ARHGAP24: variants seen among roughly 807,000 people sequenced by gnomAD.
The protein encoded by ARHGAP24 is rho GTPase-activating protein 24.
In ARHGAP24, 50 loss-of-function variants were observed where a neutral mutation model predicts 76.4. That is an observed-to-expected ratio of 0.65 (90% CI 0.52 to 0.83). ARHGAP24 has a LOEUF of 0.83. ARHGAP24 is among the 40% of genes least tolerant of loss of function. The pLI, the probability that ARHGAP24 is intolerant of heterozygous loss-of-function variation, is 0.00. For synonymous variants in ARHGAP24, 345 were observed against 323.3 expected, an observed-to-expected ratio of 1.07 and a Z score of -0.72; for missense variants, 930 against 914.2, an observed-to-expected ratio of 1.02 and a Z score of -0.22.
chr4:85,622,019 A>G (rs1406550278), intron 2 of ARHGAP24, among the ~76,000 whole-genome samples: 1 of 152,048 alleles, frequency 6.6e-6, no homozygotes, highest in African/African-American at 2.4e-5. Context: ...GCTGTATCCC[A>G]TAAATTTTGG....
At chr4:85,505,702 C>T (rs1724015163) in intron 1 of ARHGAP24, among the ~76,000 whole-genome samples, 1 of 151,930 alleles carries the variant, frequency 6.6e-6, no homozygotes, top group Admixed American at 6.6e-5. Context: ...ATTGTTATTA[C>T]CGATCTTCTG....
At chr4:85,954,310 C>T (rs1250021350) in intron 5 of ARHGAP24, among the ~76,000 whole-genome samples, 3 of 152,150 alleles carry the variant, frequency 2.0e-5, no homozygotes, top group African/African-American at 7.2e-5. Context: ...TCCTCAACTT[C>T]CTGAAGCTTC....
intron 3 of ARHGAP24, among the ~76,000 whole-genome samples, chr4:85,872,595 C>A (rs1290126188): frequency 1.4e-5 from 1 of 73,166 alleles, no homozygotes; most frequent in African/African-American, 5.9e-5. Context: ...TGCATCTGGC[C>A]TTTTTTTTTT....
intron 3 of ARHGAP24, among the ~76,000 whole-genome samples, chr4:85,806,779 C>T (rs182271273): frequency 9.9e-5 from 15 of 152,148 alleles, no homozygotes; most frequent in Non-Finnish European, 5.9e-5. Context: ...GCTAATGTAA[C>T]TCGGAAATTA....
chr4:85,481,786 A>G (rs957145206), intron 1 of ARHGAP24, among the ~76,000 whole-genome samples: 12 of 152,192 alleles, frequency 7.9e-5, no homozygotes, highest in Admixed American at 6.5e-4. Flanking sequence ...CAGCTTGGGA[A>G]AGCTGAAATA....
At chr4:85,998,307 C>A (rs1315936648) in intron 9 of ARHGAP24, among the ~76,000 whole-genome samples, 2 of 152,064 alleles carry the variant, frequency 1.3e-5, no homozygotes, top group Non-Finnish European at 2.9e-5. Flanking sequence ...AAGAATTGAT[C>A]CTTTTATCAT....
chr4:85,484,556 G>A (rs1043305578), intron 1 of ARHGAP24, among the ~76,000 whole-genome samples: 39 of 152,030 alleles, frequency 2.6e-4, no homozygotes, highest in Non-Finnish European at 3.1e-4. Flanking sequence ...ACTTAAAAGG[G>A]CAAGCAGATG....
chr4:85,802,940 G>A (rs574961783), intron 3 of ARHGAP24, among the ~76,000 whole-genome samples: 1 of 152,220 alleles, frequency 6.6e-6, no homozygotes, highest in Non-Finnish European at 1.5e-5. Flanking sequence ...GAATAAAAAG[G>A]ATAAAGGGGT....
chr4:85,755,650 T>TTTTTTTTTTGG, intron 3 of ARHGAP24, among the ~76,000 whole-genome samples: 1 of 144,768 alleles, frequency 6.9e-6, no homozygotes, highest in Non-Finnish European at 1.5e-5. Context: ...TGTTTTGTTT[T>TTTTTTTTTTGG]GAGACGGAGT....
chr4:85,792,675 C>G (rs1728181961), intron 3 of ARHGAP24, among the ~76,000 whole-genome samples: 1 of 152,254 alleles, frequency 6.6e-6, no homozygotes, highest in South Asian at 2.1e-4. Context: ...TCAGCTCTCT[C>G]TACACACATT....
At chr4:85,865,752 A>C (rs1732165672) in intron 3 of ARHGAP24, among the ~76,000 whole-genome samples, 1 of 151,854 alleles carries the variant, frequency 6.6e-6, no homozygotes, top group Non-Finnish European at 1.5e-5. Flanking sequence ...ATTTATATTC[A>C]TAAAGACTTA....
chr4:85,551,703 CT>C (rs1169385841), intron 1 of ARHGAP24, among the ~76,000 whole-genome samples: 1 of 152,066 alleles, frequency 6.6e-6, no homozygotes, highest in Admixed American at 6.6e-5. Context: ...AATTTTGGAA[CT>C]CATTATTGGT....
chr4:85,739,188 G>T (rs966233791), intron 3 of ARHGAP24, among the ~76,000 whole-genome samples: 1 of 152,104 alleles, frequency 6.6e-6, no homozygotes, highest in East Asian at 1.9e-4. Flanking sequence ...CTTCTTGCTT[G>T]CCTCCCTCTC....
chr4:85,942,632 G>C (rs573931385), intron 5 of ARHGAP24, among the ~76,000 whole-genome samples: 27 of 152,064 alleles, frequency 1.8e-4, no homozygotes, highest in Non-Finnish European at 2.8e-4. Context: ...AGTATTATGA[G>C]TAGAGATTGA....
At chr4:85,595,432 C>T (rs1415825660) in intron 2 of ARHGAP24, among the ~76,000 whole-genome samples, 1 of 152,036 alleles carries the variant, frequency 6.6e-6, no homozygotes, top group Non-Finnish European at 1.5e-5. Context: ...GGCAAACTTC[C>T]TTTAAAGAAC....
intron 3 of ARHGAP24, among the ~76,000 whole-genome samples, chr4:85,803,494 T>C (rs1433723585): frequency 6.6e-6 from 1 of 152,242 alleles, no homozygotes; most frequent in African/African-American, 2.4e-5. Flanking sequence ...ACAATTTTTA[T>C]ACCTTCATCA....
At chr4:85,560,808 A>G (rs1726565205) in intron 1 of ARHGAP24, among the ~76,000 whole-genome samples, 1 of 152,198 alleles carries the variant, frequency 6.6e-6, no homozygotes, top group Non-Finnish European at 1.5e-5. Flanking sequence ...AGTTCAGTTT[A>G]GCTTTAAGCC....
chr4:85,954,879 G>A (rs346484), intron 5 of ARHGAP24, among the ~76,000 whole-genome samples: 54,121 of 151,980 alleles, frequency 0.36, 9,824 homozygotes, highest in East Asian at 0.53. Flanking sequence ...GTGTGGTGGC[G>A]CATGCCTGTA....
intron 2 of ARHGAP24, among the ~76,000 whole-genome samples, chr4:85,638,573 T>A (rs979849771): frequency 3.3e-5 from 5 of 152,162 alleles, no homozygotes; most frequent in Non-Finnish European, 7.3e-5. Context: ...CTTGCCTTTT[T>A]TCCTTTCCTC....
Sources: gnomAD v4.1 joint callset for allele counts (sites outside exome capture counted in the v4.1 genomes callset) on GRCh38, gnomAD v4.1.1 for gene constraint, MANE v1.5 for transcripts, NCBI Gene and HGNC (gene_info 2026-07-23, HGNC 2026-07-21) for gene names.